The following RIT2 variants were observed in gnomAD, a reference collection of about 807,000 sequenced individuals.
RIT2 encodes the protein GTP-binding protein Rit2.
RIT2 carries 24 observed loss-of-function variants against 23.7 expected under a neutral mutation model. That is an observed-to-expected ratio of 1.01 (90% CI 0.73 to 1.43). The LOEUF is 1.43. Ranked by LOEUF, RIT2 falls within the 40% of genes most tolerant of loss-of-function variation. The pLI is 0.00. For missense variants in RIT2, 236 were observed against 266.9 expected (o/e 0.88, Z 0.81); for synonymous variants, 107 against 91.1 (o/e 1.17, Z -0.99).
chr18:42,837,329 G>A (rs1906642991), intron 4 of RIT2, among the ~76,000 whole-genome samples: 1 of 151,254 alleles, frequency 6.6e-6, no homozygotes, highest in African/African-American at 2.4e-5. Flanking sequence ...CACCAAGCCT[G>A]GATAACTTTT....
At chr18:43,094,019 T>A (rs1913486467) in intron 1 of RIT2, among the ~76,000 whole-genome samples, 1 of 151,742 alleles carries the variant, frequency 6.6e-6, no homozygotes, top group Non-Finnish European at 1.5e-5. Context: ...GCACCAAAAA[T>A]TCAATAATCT....
intron 4 of RIT2, among the ~76,000 whole-genome samples, chr18:42,896,364 T>C (rs1908330885): frequency 6.6e-6 from 1 of 152,242 alleles, no homozygotes; most frequent in African/African-American, 2.4e-5. Flanking sequence ...ATGACAGGAA[T>C]TTTTCTTGCC....
At chr18:42,884,565 C>T (rs1907973556) in intron 4 of RIT2, among the ~76,000 whole-genome samples, 1 of 152,124 alleles carries the variant, frequency 6.6e-6, no homozygotes, top group Admixed American at 6.5e-5. Flanking sequence ...AGTATTCATT[C>T]CCCAGTACCA....
At chr18:42,971,979 T>C (rs1910371702) in intron 3 of RIT2, among the ~76,000 whole-genome samples, 1 of 152,046 alleles carries the variant, frequency 6.6e-6, no homozygotes, top group Non-Finnish European at 1.5e-5. Flanking sequence ...GTAAATACTG[T>C]AGACTGAATG....
chr18:42,874,673 T>A (rs557839277), intron 4 of RIT2, among the ~76,000 whole-genome samples: 3 of 152,112 alleles, frequency 2.0e-5, no homozygotes, highest in Non-Finnish European at 2.9e-5. Context: ...TTTAATAAGG[T>A]TCTGGTCTCA....
In RIT2 at chr18:43,092,383, G is replaced by A. The variant is rs139917208; in HGVS notation, c.103+23034C>T. 3.3e-5 allele frequency among the ~76,000 whole-genome samples: 5 copies of A among 152,146 alleles called. No homozygotes were observed. In the East Asian group the frequency reaches 5.8e-4, roughly 18 times the overall value. On this transcript the variant is annotated intron_variant, in intron 1 of 4. Transcript: ENST00000326695. ...CTGCCTGACCAGGTCACAAAATTAC[G>A]AGGTTTGAATATCTTAAGACTACTT...
intron 4 of RIT2, among the ~76,000 whole-genome samples, chr18:42,806,437 C>T (rs1486046257): frequency 2.6e-5 from 4 of 151,672 alleles, no homozygotes; most frequent in Non-Finnish European, 5.9e-5. Flanking sequence ...CCATTGCACT[C>T]CACCCTGGGC....
intron 1 of RIT2, among the ~76,000 whole-genome samples, chr18:43,035,058 C>G (rs1911943444): frequency 6.6e-6 from 1 of 152,182 alleles, no homozygotes; most frequent in South Asian, 2.1e-4. Flanking sequence ...GTGTCCAGCT[C>G]TGGTTGTTTT....
chr18:42,988,907 A>G (rs1376311146), intron 2 of RIT2, among the ~76,000 whole-genome samples: 1 of 152,210 alleles, frequency 6.6e-6, no homozygotes, highest in East Asian at 1.9e-4. Context: ...TAGGGCAGCA[A>G]TCTGCTGAAG....
At chr18:42,901,506 G>A (rs1161678720) in intron 4 of RIT2, among the ~76,000 whole-genome samples, 1 of 151,864 alleles carries the variant, frequency 6.6e-6, no homozygotes, top group Non-Finnish European at 1.5e-5. Flanking sequence ...TTAGAATTTT[G>A]GAAAATGTGT....
At chr18:43,115,323 C>T in intron 1 of RIT2, 94 bp downstream of exon 1, 1 of 1,508,214 alleles carries the variant, frequency 6.6e-7, no homozygotes, top group Non-Finnish European at 9.1e-7. Flanking sequence ...CACAGTTCAC[C>T]TCTAACAGCA....
At chr18:43,077,182 A>T (rs1913046629) in intron 1 of RIT2, among the ~76,000 whole-genome samples, 1 of 152,000 alleles carries the variant, frequency 6.6e-6, no homozygotes, top group South Asian at 2.1e-4. Context: ...TTTCTTCATA[A>T]ACACTGTCAG....
chr18:43,052,732 G>C (rs1912412139), intron 1 of RIT2, among the ~76,000 whole-genome samples: 1 of 151,924 alleles, frequency 6.6e-6, no homozygotes, highest in Non-Finnish European at 1.5e-5. Flanking sequence ...GAATTTACCT[G>C]ATCCTCCCAG....
chr18:42,752,173 T>C (rs1310842687), intron 4 of RIT2, among the ~76,000 whole-genome samples: 1 of 152,090 alleles, frequency 6.6e-6, no homozygotes, highest in East Asian at 1.9e-4. Flanking sequence ...GAGTAATTTT[T>C]AGGACCACAG....
intron 2 of RIT2, among the ~76,000 whole-genome samples, chr18:42,988,937 A>G (rs1017668429): frequency 6.6e-6 from 1 of 152,162 alleles, no homozygotes; most frequent in Non-Finnish European, 1.5e-5. Flanking sequence ...TGCATGGGAG[A>G]AAAAGGTTCA....
chr18:42,812,115 CACTG>C (rs530780884), intron 4 of RIT2, among the ~76,000 whole-genome samples: 22 of 152,238 alleles, frequency 1.4e-4, no homozygotes, highest in African/African-American at 5.3e-4. Flanking sequence ...TGGTGCTGTT[CACTG>C]ACTATTTCTG....
At chr18:43,077,534 T>C (rs566406756) in intron 1 of RIT2, among the ~76,000 whole-genome samples, 5 of 152,334 alleles carry the variant, frequency 3.3e-5, no homozygotes, top group Admixed American at 2.6e-4. Flanking sequence ...TCTGTTTTTA[T>C]CATTATTACA....
intron 2 of RIT2, among the ~76,000 whole-genome samples, chr18:43,000,678 A>T (rs67187449): frequency 0.14 from 21,852 of 151,834 alleles, 1,902 homozygotes; most frequent in East Asian, 0.41. Flanking sequence ...GTGAGTTTTC[A>T]TGAGATCTGA....
chr18:42,933,646 G>A (rs1598720637), intron 3 of RIT2, among the ~76,000 whole-genome samples: 3 of 152,246 alleles, frequency 2.0e-5, no homozygotes, highest in Non-Finnish European at 2.9e-5. Context: ...ACCATGTGAT[G>A]AAGGACATAT....
Sources: allele counts gnomAD v4.1 joint callset (sites outside exome capture counted in the v4.1 genomes callset), GRCh38; gene constraint gnomAD v4.1.1; transcripts MANE v1.5; gene names NCBI Gene and HGNC (gene_info 2026-07-23, HGNC 2026-07-21).